The following ADK variants were observed in gnomAD, a reference collection of about 807,000 sequenced individuals.
ADK encodes adenosine kinase, also known as N6,N6-dimethyladenosine kinase.
A neutral mutation model predicts 44.7 loss-of-function variants in ADK; 24 were observed. The ratio of observed to expected loss-of-function variants is 0.54; its 90% CI spans 0.39 to 0.76. The LOEUF is 0.76. Ranked by LOEUF, ADK falls within the 30% of genes least tolerant of loss-of-function variation. ADK has a pLI of 0.00. For synonymous variants in ADK, 128 were observed against 142.6 expected (o/e 0.90, Z 0.73); for missense variants, 321 against 425.1 (o/e 0.76, Z 2.15).
At chr10:74,189,147 C>T (rs184918178) in intron 1 of ADK, among the ~76,000 whole-genome samples, 2 of 152,224 alleles carry the variant, frequency 1.3e-5, no homozygotes, top group Admixed American at 6.5e-5. Flanking sequence ...TCTAAGTACT[C>T]CTTTAGCTGC....
chr10:74,188,568 G>A (rs1267141850), intron 1 of ADK, among the ~76,000 whole-genome samples: 1 of 151,766 alleles, frequency 6.6e-6, no homozygotes, highest in African/African-American at 2.4e-5. Context: ...TAGCCAGGAT[G>A]GTCTCCATCT....
At chr10:74,204,042 C>T (rs1843501880) in intron 2 of ADK, among the ~76,000 whole-genome samples, 1 of 149,262 alleles carries the variant, frequency 6.7e-6, no homozygotes, top group Admixed American at 6.7e-5. Context: ...CTGCAATCTC[C>T]ATTTCCCGGG....
intron 9 of ADK, among the ~76,000 whole-genome samples, chr10:74,663,267 ATG>A (rs1491083978): frequency 1.4e-5 from 2 of 146,926 alleles, no homozygotes; most frequent in African/African-American, 5.0e-5. Context: ...ATATATATAT[ATG>A]TATCTCAAAT....
chr10:74,349,186 A>G lies in ADK; in HGVS notation c.273+34441A>G, dbSNP rs138294475. On this transcript the variant is annotated intron_variant, in intron 4 of 10. Transcript: ENST00000539909. ...AGAGAAAGGTCAGGTTACCTACAAA[A>G]GGAAGCCCATCAGACCAATAGCAGA... 8.2e-3 allele frequency among the ~76,000 whole-genome samples: 1,242 copies of G among 152,326 alleles called. 9 individuals carry two copies. Among genetic ancestry groups the G allele is most frequent in the Non-Finnish European group, 0.013 (886 of 68,018 alleles).
intron 9 of ADK, among the ~76,000 whole-genome samples, chr10:74,623,952 T>A (rs1853090807): frequency 6.6e-6 from 1 of 152,140 alleles, no homozygotes; most frequent in Non-Finnish European, 1.5e-5. Context: ...TTTCAGAGCA[T>A]TACAACTTGG....
At chr10:74,603,821 C>T (rs1443310943) in intron 9 of ADK, among the ~76,000 whole-genome samples, 3 of 152,182 alleles carry the variant, frequency 2.0e-5, no homozygotes, top group Non-Finnish European at 4.4e-5. Context: ...TGAGGAATCG[C>T]CACACTGTTT....
intron 10 of ADK, among the ~76,000 whole-genome samples, chr10:74,691,155 C>A (rs1855975701): frequency 1.3e-5 from 2 of 152,102 alleles, no homozygotes; most frequent in Admixed American, 1.3e-4. Context: ...GTTTAACAGG[C>A]CAGTTTAAGA....
chr10:74,478,621 C>T (rs1846947994), intron 6 of ADK, among the ~76,000 whole-genome samples: 1 of 152,178 alleles, frequency 6.6e-6, no homozygotes, highest in African/African-American at 2.4e-5. Flanking sequence ...ATTTTTCTGT[C>T]ACCTGGTGTA....
At chr10:74,603,859 TCCA>T (rs1469458472) in intron 9 of ADK, among the ~76,000 whole-genome samples, 2 of 152,294 alleles carry the variant, frequency 1.3e-5, no homozygotes, top group South Asian at 2.1e-4. Context: ...AATTTACACT[TCCA>T]CCAACAGTGT....
chr10:74,217,299 C>T (rs1371316588), intron 2 of ADK, among the ~76,000 whole-genome samples: 5 of 152,220 alleles, frequency 3.3e-5, no homozygotes, highest in South Asian at 2.1e-4. Context: ...AACTGCAAGG[C>T]GGCAGCGAGG....
intron 6 of ADK, among the ~76,000 whole-genome samples, chr10:74,426,116 A>ACAG: frequency 6.6e-6 from 1 of 152,118 alleles, no homozygotes; most frequent in Non-Finnish European, 1.5e-5. Context: ...ATACATTTTT[A>ACAG]TATAATTTGC....
At chr10:74,331,293 T>TA (rs151069121) in intron 4 of ADK, among the ~76,000 whole-genome samples, 2 of 113,394 alleles carry the variant, frequency 1.8e-5, no homozygotes, top group Non-Finnish European at 3.8e-5. Flanking sequence ...CCTGTTTTGA[T>TA]TTTTTTTTCT....
chr10:74,673,491 G>A (rs1198694998), intron 10 of ADK, among the ~76,000 whole-genome samples: 1 of 152,176 alleles, frequency 6.6e-6, no homozygotes, highest in Non-Finnish European at 1.5e-5. Context: ...ACGTGAGCAG[G>A]TGCAGGAGCT....
intron 9 of ADK, among the ~76,000 whole-genome samples, chr10:74,614,037 A>G (rs897991977): frequency 2.6e-5 from 4 of 152,106 alleles, no homozygotes; most frequent in Admixed American, 6.6e-5. Flanking sequence ...TTATTAGCTC[A>G]TGGTCCATTT....
At chr10:74,322,354 G>A (rs911118456) in intron 4 of ADK, among the ~76,000 whole-genome samples, 4 of 152,242 alleles carry the variant, frequency 2.6e-5, no homozygotes, top group Middle Eastern at 3.4e-3. Flanking sequence ...ACACCGTCTC[G>A]TCAATTCTTT....
intron 10 of ADK, among the ~76,000 whole-genome samples, chr10:74,687,993 A>T (rs1413155743): frequency 1.3e-5 from 2 of 152,212 alleles, no homozygotes; most frequent in Non-Finnish European, 2.9e-5. Flanking sequence ...CACTGCACTT[A>T]GCCTAAAAAT....
chr10:74,645,899 A>G (rs1260391753), intron 9 of ADK, among the ~76,000 whole-genome samples: 1 of 152,200 alleles, frequency 6.6e-6, no homozygotes, highest in Non-Finnish European at 1.5e-5. Flanking sequence ...GTCAGTTCAG[A>G]GTAGACAAAG....
intron 4 of ADK, among the ~76,000 whole-genome samples, chr10:74,324,021 G>A (rs1268817705): frequency 6.6e-6 from 1 of 151,688 alleles, no homozygotes; most frequent in Admixed American, 6.6e-5. Flanking sequence ...GCCTATTCTA[G>A]ACAATTATTT....
intron 1 of ADK, among the ~76,000 whole-genome samples, chr10:74,181,950 G>A (rs1842573832): frequency 6.6e-6 from 1 of 152,136 alleles, no homozygotes; most frequent in Non-Finnish European, 1.5e-5. Context: ...TGGGACTCTG[G>A]ACATCACTGT....
Sources: allele counts gnomAD v4.1 joint callset (sites outside exome capture counted in the v4.1 genomes callset), GRCh38; gene constraint gnomAD v4.1.1; transcripts MANE v1.5; gene names NCBI Gene and HGNC (gene_info 2026-07-23, HGNC 2026-07-21).